The following NCOA7 variants were observed in gnomAD, a reference collection of about 807,000 sequenced individuals.
NCOA7 encodes nuclear receptor coactivator 7, also known as 140 kDa estrogen receptor-associated protein.
A neutral mutation model predicts 104.3 loss-of-function variants in NCOA7; 45 were observed. That is an observed-to-expected ratio of 0.43 (90% CI 0.34 to 0.55). NCOA7 has a LOEUF of 0.55. Ranked by LOEUF, NCOA7 falls within the 20% of genes least tolerant of loss-of-function variation. The pLI is 0.02. For synonymous variants in NCOA7, 398 were observed against 402.3 expected, an observed-to-expected ratio of 0.99 and a Z score of 0.13; for missense variants, 1,041 against 1,119.7, an observed-to-expected ratio of 0.93 and a Z score of 1.00.
chr6:125,915,341 A>G lies in NCOA7; in HGVS notation c.2105A>G (p.His702Arg), dbSNP rs759178479. ...ACAAACGTGTTTTTCAGGGTGGATC[A>G]TTTGTACACATTCTTTGTTCAGTGG... ...WFAVPRERVD[H>R]LYTFFVQWSP... Residue 702 changes from histidine to arginine, a missense_variant, in exon 11 of 16, where the codon CAT becomes CGT. Physicochemically the swap from His to Arg is conservative, Grantham distance 29. This residue lies in a region of NCOA7 where 914 missense variants were observed against 942.7 expected (regional missense o/e 0.97). Coordinates refer to ENST00000392477, the MANE Select transcript of NCOA7 (RefSeq NM_181782.5). 1 of 1,613,776 alleles carries G rather than the reference A, an allele frequency of 6.2e-7. No homozygotes were observed. The highest frequency in any genetic ancestry group is 1.1e-5 in the South Asian group (1 of 91,076).
In NCOA7 at chr6:125,794,005, T is replaced by G. The variant is rs534134044; in HGVS notation, c.-65+2938T>G. 2.0e-5 allele frequency among the ~76,000 whole-genome samples: 3 copies of G among 152,288 alleles called. No homozygotes were observed. The East Asian group carries it at 5.8e-4, about 29-fold the overall frequency. On this transcript the variant is annotated intron_variant, in intron 1 of 15. Coordinates refer to ENST00000392477, the MANE Select transcript of NCOA7 (RefSeq NM_181782.5). ...CTGAACAAAGGCCATGACGTCAACC[T>G]ATTCCCTTCCAATACTAGCTGTTAG...
At chr6:125,821,482 T>C (rs1778179843) in intron 2 of NCOA7, among the ~76,000 whole-genome samples, 1 of 152,096 alleles carries the variant, frequency 6.6e-6, no homozygotes. Flanking sequence ...CTACTCACAG[T>C]GTGGGTTGCA....
At chr6:125,781,794 T>A in intron 1 of NCOA7, among the ~76,000 whole-genome samples, 1 of 152,268 alleles carries the variant, frequency 6.6e-6, no homozygotes, top group East Asian at 1.9e-4. Flanking sequence ...AAGTAACCAG[T>A]GTTACCAGCT....
intron 2 of NCOA7, among the ~76,000 whole-genome samples, chr6:125,830,721 T>TTA (rs72316010): frequency 3.0e-3 from 431 of 143,056 alleles, no homozygotes; most frequent in African/African-American, 9.8e-3. Context: ...TCTATATATT[T>TTA]TATATATATA....
Position 125,927,694 on chromosome 6 carries a change from A to G in NCOA7, c.2555A>G (p.Lys852Arg). 2.5e-6 allele frequency: 4 copies of G among 1,614,152 alleles called. No homozygotes were observed. Among genetic ancestry groups the G allele is most frequent in the Non-Finnish European group, 3.4e-6 (4 of 1,179,996 alleles). ...IFGAYATHPFKFSDHYYGTGE... is the reference protein window; with the variant it reads ...IFGAYATHPFRFSDHYYGTGE... ...GGAGCATATGCAACTCATCCTTTCAAGTTCAGTGACCACTATTATGGCACA... is the reference window on the plus strand; with the variant it reads ...GGAGCATATGCAACTCATCCTTTCAGGTTCAGTGACCACTATTATGGCACA... Residue 852 changes from lysine (K) to arginine (R), a missense_variant, in exon 14 of 16, where the codon AAG becomes AGG. Physicochemically the swap from Lys to Arg is conservative, Grantham distance 26. This residue lies in a region of NCOA7 where 127 missense variants were observed against 177.0 expected (regional missense o/e 0.72). Coordinates refer to ENST00000392477, the MANE Select transcript of NCOA7 (RefSeq NM_181782.5).
At chr6:125,840,867 G>GTTTTTTTTTTTTTTTTTTTTTTTTTTTTT (rs1305583308) in intron 2 of NCOA7, among the ~76,000 whole-genome samples, 1 of 50,658 alleles carries the variant, frequency 2.0e-5, no homozygotes. Flanking sequence ...TTGTTTGGTT[G>GTTTTTTTTTTTTTTTTTTTTTTTTTTTTT]GTTTTTTTTT....
chr6:125,839,506 TCCTGGCTGG>T (rs1779933769), intron 2 of NCOA7, among the ~76,000 whole-genome samples: 1 of 152,038 alleles, frequency 6.6e-6, no homozygotes, highest in African/African-American at 2.4e-5. Context: ...AACCTTTTAA[TCCTGGCTGG>T]ATCTTTCTGG....
intron 13 of NCOA7, among the ~76,000 whole-genome samples, chr6:125,926,246 G>T (rs761500911): frequency 2.0e-5 from 3 of 151,500 alleles, no homozygotes; most frequent in Non-Finnish European, 2.9e-5. Context: ...AGGAGGTGGA[G>T]GTTGCAGAGG....
At chr6:125,919,395 C>G (rs746539352) in intron 11 of NCOA7, 1 of 1,612,760 alleles carries the variant, frequency 6.2e-7, no homozygotes. Flanking sequence ...TCCAGATTTT[C>G]TATTGTGCCA....
rs764131356 is a variant in NCOA7, at chr6:125,922,775, C to T, written c.2464C>T (p.Arg822Trp). 31 of 1,614,116 alleles carry T rather than the reference C, an allele frequency of 1.9e-5. No homozygotes were observed. The highest frequency in any genetic ancestry group is 1.7e-4 in the Middle Eastern group (1 of 6,046). Residue 822 changes from arginine (R) to tryptophan (W), a missense_variant, in exon 13 of 16, where the codon CGG becomes TGG. By Grantham distance (101) the Arg-to-Trp change is moderately radical. Transcript: ENST00000392477. ...CGGGACCAGCTTAAAGACGCTCTAC[C>T]GGAAATCGGCATCACTAGACAGTCC... ...EHGTSLKTLY[R>W]KSASLDSPVL...
rs72969801 is a variant in NCOA7, at chr6:125,912,310, C to T, written c.2097-3023C>T. Among the ~76,000 whole-genome samples the T allele has an allele frequency of 7.5e-3, 1,140 of 152,350 alleles. 10 individuals carry two copies. The highest frequency in any genetic ancestry group is 0.013 in the Non-Finnish European group (863 of 68,028). On this transcript the variant is annotated intron_variant, in intron 10 of 15. Coordinates refer to ENST00000392477, the MANE Select transcript of NCOA7 (RefSeq NM_181782.5). ...AAGGAAAATTTTGGGGGCCTAATGG[C>T]TTCCTAATGATTGATAGGTGTTCCC...
intron 4 of NCOA7, chr6:125,875,400 A>G (rs1183168176): frequency 6.5e-6 from 1 of 154,192 alleles, no homozygotes; most frequent in Non-Finnish European, 1.4e-5. Flanking sequence ...GATGACTTGA[A>G]TTATTTTTGA....
At chr6:125,903,729 A>G (rs917665369) in intron 10 of NCOA7, among the ~76,000 whole-genome samples, 8 of 143,064 alleles carry the variant, frequency 5.6e-5, no homozygotes, top group Non-Finnish European at 1.1e-4. Context: ...TTTTTGAGAT[A>G]GAATCTTGCT....
intron 3 of NCOA7, among the ~76,000 whole-genome samples, chr6:125,868,442 C>T (rs1463745212): frequency 2.0e-5 from 3 of 152,220 alleles, no homozygotes; most frequent in Admixed American, 6.5e-5. Flanking sequence ...TTAATTTTCT[C>T]AGCATTTCAT....
At position 125,882,457 on chromosome 6, in the gene NCOA7, C is replaced by T. The variant is rs768579296; in HGVS notation, c.605C>T (p.Pro202Leu). The T allele has an allele frequency of 6.2e-7, 1 of 1,613,482 alleles. No homozygotes were observed. The stretch of plus-strand genomic sequence containing the variant: ...GACTTAGCACGAAAGGCCTTGAAAC[C>T]CATTGAAAGAGTCTTATCGTCTACT... ...DADLARKALK[P>L]IERVLSSTSE... Residue 202 changes from proline to leucine, a missense_variant, in exon 7 of 16, where the codon CCC becomes CTC. Physicochemically the swap from Pro to Leu is moderately conservative, Grantham distance 98. Coordinates refer to ENST00000392477, the MANE Select transcript of NCOA7 (RefSeq NM_181782.5).
chr6:125,871,712 A>C (rs937732038), intron 3 of NCOA7, among the ~76,000 whole-genome samples: 1 of 152,104 alleles, frequency 6.6e-6, no homozygotes, highest in Non-Finnish European at 1.5e-5. Context: ...AATACAAGAC[A>C]AGGCCAGGTG....
At chr6:125,805,643 A>G (rs2128558125) in intron 1 of NCOA7, among the ~76,000 whole-genome samples, 1 of 152,366 alleles carries the variant, frequency 6.6e-6, no homozygotes, top group South Asian at 2.1e-4. Flanking sequence ...AGTCATAAAG[A>G]TTAAACCAAG....
chr6:125,862,777 G>A (rs1179421894), intron 3 of NCOA7, among the ~76,000 whole-genome samples: 1 of 138,312 alleles, frequency 7.2e-6, no homozygotes. Context: ...GCCAAGGCAG[G>A]CAGATCACCT....
chr6:125,821,169 A>T (rs1239680519), intron 2 of NCOA7, among the ~76,000 whole-genome samples: 1 of 152,142 alleles, frequency 6.6e-6, no homozygotes, highest in African/African-American at 2.4e-5. Flanking sequence ...TACCCCAGGG[A>T]TGAGTAGAAG....
Sources: gnomAD v4.1 joint callset for allele counts (sites outside exome capture counted in the v4.1 genomes callset) on GRCh38, gnomAD v4.1.1 for gene constraint, gnomAD v4.1.1 regional missense constraint, MANE v1.5 for transcripts, NCBI Gene and HGNC (gene_info 2026-07-23, HGNC 2026-07-21) for gene names.